ADAMTS7: variants seen among roughly 807,000 people sequenced by gnomAD.
The protein encoded by ADAMTS7 is ADAM metallopeptidase with thrombospondin type 1 motif 7.
ADAMTS7 carries 89 observed loss-of-function variants against 172.6 expected under a neutral mutation model. The observed-to-expected ratio is 0.52, with a 90% confidence interval of 0.43 to 0.61. ADAMTS7 has a LOEUF of 0.61. Ranked by LOEUF, ADAMTS7 falls within the 20% of genes least tolerant of loss-of-function variation. The pLI is 0.00. For synonymous variants in ADAMTS7, 885 were observed against 978.4 expected, an observed-to-expected ratio of 0.90 and a Z score of 1.78; for missense variants, 1,973 against 2,355.6, an observed-to-expected ratio of 0.84 and a Z score of 3.36.
In ADAMTS7 at chr15:78,761,930, C is replaced by T. The variant is rs2055051259; in HGVS notation, c.4903+473G>A. 1.0e-5 allele frequency: 10 copies of T among 985,270 alleles called. No individual in the cohort carries two copies. In the South Asian group the frequency reaches 4.2e-4, roughly 42 times the overall value. The allele number at this position is 985,270 out of a possible 1,614,324, so 61.0% of individuals were successfully genotyped here. A position where few individuals can be genotyped will look rare whatever the true frequency, so the allele number is the denominator to read the frequency against. On this transcript the variant is annotated intron_variant, in intron 23 of 23. Transcript: ENST00000388820. ...AACCCCATTACCTCATTAGCAGGAC[C>T]CTGGAAAGGAGGCCCTTCCTGTGGT...
At chr15:78,808,756 C>T (rs1256523645) in intron 1 of ADAMTS7, among the ~76,000 whole-genome samples, 1 of 152,168 alleles carries the variant, frequency 6.6e-6, no homozygotes, top group Non-Finnish European at 1.5e-5. Flanking sequence ...GCTGAGCCTG[C>T]AGAGTTCAAG....
chr15:78,797,696 C>A (rs538552536), intron 3 of ADAMTS7, among the ~76,000 whole-genome samples: 15 of 152,254 alleles, frequency 9.9e-5, no homozygotes, highest in African/African-American at 3.4e-4. Context: ...TGAGCCCCAA[C>A]GTGGGAGAAG....
At position 78,771,448 on chromosome 15, in the gene ADAMTS7, G is replaced by C; in HGVS notation, c.2376+137C>G. 8 of 1,534,062 alleles carry C rather than the reference G, an allele frequency of 5.2e-6. No individual in the cohort carries two copies. The highest frequency in any genetic ancestry group is 7.0e-6 in the Non-Finnish European group (8 of 1,137,638). The stretch of plus-strand genomic sequence containing the variant: ...TGGGGAAACTGAGGTAGAGGCCGCA[G>C]CAGGAGGGCCTGGCTCAGAGCCAGG... On this transcript the variant is annotated intron_variant, in intron 15 of 23. Transcript: ENST00000388820. This position sits in a 1 kb window ranked among gnomAD's most constrained non-coding sequence, Gnocchi z 4.9.
intron 8 of ADAMTS7, among the ~76,000 whole-genome samples, chr15:78,780,685 A>C (rs1426901669): frequency 2.6e-5 from 4 of 151,680 alleles, no homozygotes; most frequent in Non-Finnish European, 5.9e-5. Flanking sequence ...GTGCCCCCCC[A>C]CCACCTCCTG....
Position 78,771,794 on chromosome 15 carries a change from G to A in ADAMTS7, c.2167C>T (p.Arg723Cys), listed in dbSNP as rs139262121. 29 of 1,612,466 alleles carry A rather than the reference G, an allele frequency of 1.8e-5. No homozygotes were observed. The African/African-American group carries it at 3.1e-4, about 17-fold the overall frequency. Residue 723 changes from arginine (R) to cysteine (C), a missense_variant, in exon 15 of 24, where the codon CGC (arginine) becomes TGC (cysteine). Physicochemically the swap from Arg to Cys is radical, Grantham distance 180. Around this residue, in one of 8 missense-constraint regions of ADAMTS7, gnomAD observed 771 missense variants for 952.6 expected, o/e 0.81. Coordinates refer to ENST00000388820, the MANE Select transcript of ADAMTS7 (RefSeq NM_014272.5). The surrounding 1 kb of genome is among the most constrained non-coding windows in gnomAD (Gnocchi z 4.9). ...GCAACCTCTTGGATGCGGATCTCGC[G>A]TGCGCCCGCTGGGATCAGCCCCACA... ...VDVGLIPAGA[R>C]EIRIQEVAEA...
chr15:78,773,630 G>T (rs374666443), intron 13 of ADAMTS7, among the ~76,000 whole-genome samples: 11 of 152,240 alleles, frequency 7.2e-5, no homozygotes, highest in African/African-American at 2.6e-4. Context: ...TAGAGGGCAA[G>T]AAGCAGGGAC....
At position 78,800,392 on chromosome 15, in the gene ADAMTS7, A is replaced by G; in HGVS notation, c.256T>C (p.Tyr86His). The part of the protein sequence containing the change: ...RDAPAFYELQ[Y>H]RGRELRFNLT... ...TTGAAGCGCAGCTCGCGCCCGCGGT[A>G]TTGTAGCTCGTAGAAGGCGGGCGCG... is the stretch of plus-strand genomic sequence containing the variant. The change falls in exon 2 of 24, where the codon TAC (tyrosine) becomes CAC (histidine). Residue 86 changes from tyrosine (Y) to histidine (H), a missense_variant. Physicochemically the swap from Tyr to His is moderately conservative, Grantham distance 83. Coordinates refer to ENST00000388820, the MANE Select transcript of ADAMTS7 (RefSeq NM_014272.5). 6.2e-7 allele frequency: 1 copy of G among 1,608,858 alleles called. No individual in the cohort carries two copies. Among genetic ancestry groups the G allele is most frequent in the Non-Finnish European group, 8.5e-7 (1 of 1,178,152 alleles).
chr15:78,776,767 G>C lies in ADAMTS7; in HGVS notation c.1542C>G (p.Thr514=). The C allele has an allele frequency of 6.4e-7, 1 of 1,551,076 alleles. No individual in the cohort carries two copies. The highest frequency in any genetic ancestry group is 2.4e-5 in the East Asian group (1 of 41,034). Residue 514 remains threonine, a synonymous_variant, in exon 10 of 24, where the codon ACC becomes ACG. Coordinates refer to ENST00000388820, the MANE Select transcript of ADAMTS7 (RefSeq NM_014272.5). The stretch of plus-strand genomic sequence containing the variant: ...CCCCTACCTTATTCTCCCCACACCG[G>C]GTGCCGTCCACAGCTGCATCCAGCT... ...HSKLDAAVDG[T]RCGENKWCLS...
Position 78,811,103 on chromosome 15 carries a change from G to A in ADAMTS7, c.100+18C>T. The A allele has an allele frequency of 1.6e-6, 2 of 1,230,202 alleles. No individual in the cohort carries two copies. Among genetic ancestry groups the A allele is most frequent in the Non-Finnish European group, 2.0e-6 (2 of 986,858 alleles). 76.2% of individuals were successfully genotyped at this position (1,230,202 alleles called of 1,614,324 possible). ...AGGGGTGGCAGGCCCGGCTGGCCGGGGAGGGGCGGACACCCACCTGGTGCG... is the reference window on the plus strand; with the variant it reads ...AGGGGTGGCAGGCCCGGCTGGCCGGAGAGGGGCGGACACCCACCTGGTGCG... On this transcript the variant is annotated intron_variant, in intron 1 of 23. Coordinates refer to ENST00000388820, the MANE Select transcript of ADAMTS7 (RefSeq NM_014272.5).
intron 1 of ADAMTS7, among the ~76,000 whole-genome samples, chr15:78,802,894 G>T (rs1250167228): frequency 4.0e-5 from 6 of 151,856 alleles, no homozygotes; most frequent in Non-Finnish European, 2.9e-5. Context: ...CTACTCAGGA[G>T]ACTGAGGCTG....
In ADAMTS7 at chr15:78,788,352, T is replaced by C. The variant is rs1567229974; in HGVS notation, c.1201A>G (p.Ser401Gly). Reference protein sequence around the residue: ...GHSFGIQHDGSGNDCEPVGKR... With the variant: ...GHSFGIQHDGGGNDCEPVGKR... ...CCAACGGGCTCACAGTCATTGCCGC[T>C]TCCGTCATGCTGAATGCCAAAACTG... is the stretch of plus-strand genomic sequence containing the variant. The change falls in exon 8 of 24, where the codon AGC (serine) becomes GGC (glycine). Residue 401 changes from serine (S) to glycine (G), a missense_variant. Physicochemically the swap from Ser to Gly is moderately conservative, Grantham distance 56. Transcript: ENST00000388820. The C allele has an allele frequency of 6.2e-7, 1 of 1,613,044 alleles. No individual in the cohort carries two copies. The highest frequency in any genetic ancestry group is 8.5e-7 in the Non-Finnish European group (1 of 1,179,974).
intron 8 of ADAMTS7, among the ~76,000 whole-genome samples, chr15:78,783,000 A>AG (rs35464768): frequency 0.38 from 56,877 of 150,592 alleles, 11,419 homozygotes; most frequent in Middle Eastern, 0.5. Flanking sequence ...GACGAGCAAA[A>AG]TCTACACATT....
At chr15:78,780,742 C>T (rs34580629) in intron 8 of ADAMTS7, among the ~76,000 whole-genome samples, 10,600 of 120,288 alleles carry the variant, frequency 0.088, no homozygotes, top group African/African-American at 0.13. Flanking sequence ...CGGCCTCTGC[C>T]CAGCCTGCCC....
intron 8 of ADAMTS7, among the ~76,000 whole-genome samples, chr15:78,779,136 A>C (rs983497759): frequency 3.3e-5 from 5 of 152,154 alleles, no homozygotes; most frequent in Non-Finnish European, 7.4e-5. Context: ...TTCTACTGAG[A>C]ACCCTGGAAT....
chr15:78,806,656 A>G (rs1486736552), intron 1 of ADAMTS7, among the ~76,000 whole-genome samples: 2 of 152,172 alleles, frequency 1.3e-5, no homozygotes, highest in Non-Finnish European at 2.9e-5. Flanking sequence ...TGACAGAGAT[A>G]GGGAAGAACT....
At chr15:78,765,499 C>G in intron 19 of ADAMTS7, 146 bp downstream of exon 19, 1 of 1,334,444 alleles carries the variant, frequency 7.5e-7, no homozygotes, top group Non-Finnish European at 1.0e-6. Flanking sequence ...GGCCCGGGGT[C>G]CCCTCATCCC....
Position 78,767,518 on chromosome 15 carries a change from C to T in ADAMTS7, c.2720G>A (p.Cys907Tyr). Residue 907 changes from cysteine (C) to tyrosine (Y), a missense_variant, in exon 18 of 24, where the codon TGC becomes TAC. Coordinates refer to ENST00000388820, the MANE Select transcript of ADAMTS7 (RefSeq NM_014272.5). The stretch of plus-strand genomic sequence containing the variant: ...CTCATCCAGCCCCACGCTGCGGATG[C>T]AGAGCACGGCCCGGCGGGAGAGGCC... ...PGGLSRRAVL[C>Y]IRSVGLDEQS... 3 of 1,603,988 alleles carry T rather than the reference C, an allele frequency of 1.9e-6. No individual in the cohort carries two copies. The highest frequency in any genetic ancestry group is 2.6e-6 in the Non-Finnish European group (3 of 1,176,472).
intron 22 of ADAMTS7, among the ~76,000 whole-genome samples, chr15:78,763,374 G>A (rs543025929): frequency 4.6e-5 from 7 of 152,234 alleles, no homozygotes; most frequent in South Asian, 2.1e-4. Flanking sequence ...CGGGCTCCCC[G>A]GCCCCCTCAA....
At chr15:78,791,337 G>T in intron 4 of ADAMTS7, 114 bp from the exon 5 acceptor site, 4 of 772,690 alleles carry the variant, frequency 5.2e-6, no homozygotes, top group South Asian at 1.7e-5. Flanking sequence ...CTCACACACA[G>T]GGACTCTCAC....
Sources: gnomAD v4.1 joint callset for allele counts (sites outside exome capture counted in the v4.1 genomes callset) on GRCh38, gnomAD v4.1.1 for gene constraint, gnomAD v4.1.1 regional missense constraint, Gnocchi (gnomAD v3.1) non-coding constraint, MANE v1.5 for transcripts, NCBI Gene and HGNC (gene_info 2026-07-23, HGNC 2026-07-21) for gene names.